The following CC2D2A variants were observed in gnomAD, a reference collection of about 807,000 sequenced individuals.
CC2D2A encodes the protein coiled-coil and C2 domain-containing protein 2A.
CC2D2A carries 155 observed loss-of-function variants against 212.9 expected under a neutral mutation model. That is an observed-to-expected ratio of 0.73 (90% CI 0.64 to 0.83). The LOEUF is 0.83. Ranked by LOEUF, CC2D2A falls within the 40% of genes least tolerant of loss-of-function variation. CC2D2A has a pLI of 0.00. For missense variants in CC2D2A, 1,856 were observed against 1,956.2 expected (o/e 0.95, Z 0.97); for synonymous variants, 667 against 686.5 (o/e 0.97, Z 0.44).
chr4:15,496,365 G>A (rs1715616981), intron 4 of CC2D2A, among the ~76,000 whole-genome samples: 1 of 152,114 alleles, frequency 6.6e-6, no homozygotes, highest in South Asian at 2.1e-4. Context: ...AAAGTTTTAG[G>A]TTTTACATTT....
chr4:15,559,126 A>C, intron 21 of CC2D2A, 39 bp from the exon 22 acceptor site: 1 of 1,174,400 alleles, frequency 8.5e-7, no homozygotes, highest in South Asian at 1.4e-5. Flanking sequence ...GAAAAGCACC[A>C]GAGAGTGCTT....
chr4:15,548,283 G>C (rs1002623918), intron 17 of CC2D2A, among the ~76,000 whole-genome samples: 1 of 152,102 alleles, frequency 6.6e-6, no homozygotes, highest in South Asian at 2.1e-4. Context: ...CCCCCATTCA[G>C]TTCCTCTCTA....
At chr4:15,525,113 C>G (rs1346839885) in intron 11 of CC2D2A, among the ~76,000 whole-genome samples, 1 of 152,162 alleles carries the variant, frequency 6.6e-6, no homozygotes, top group Non-Finnish European at 1.5e-5. Context: ...AGGCAGAGAC[C>G]ACTAGCAGGT....
chr4:15,554,033 C>T (rs1403177028), intron 19 of CC2D2A, among the ~76,000 whole-genome samples: 2 of 152,182 alleles, frequency 1.3e-5, no homozygotes, highest in Non-Finnish European at 2.9e-5. Flanking sequence ...GAATTGGGCT[C>T]GTTTAGTTCC....
chr4:15,504,008 G>A (rs1215414972), intron 6 of CC2D2A, among the ~76,000 whole-genome samples: 1 of 152,098 alleles, frequency 6.6e-6, no homozygotes, highest in Non-Finnish European at 1.5e-5. Context: ...TGGCTCAGGA[G>A]GTGTTTGCAA....
rs772241253 is a variant in CC2D2A at position 15,567,516 on chromosome 4, C to G, written c.3288+34C>G. On this transcript the variant is annotated intron_variant, in intron 25 of 36. Transcript: ENST00000424120. The stretch of plus-strand genomic sequence containing the variant: ...TGCTGGACTTCAGCTTTCCACCTTG[C>G]CCCTTAAGTTTTTAAGAAATGACTG... 2.9e-5 allele frequency: 46 copies of G among 1,566,390 alleles called. No homozygotes were observed. In the African/African-American group the frequency reaches 5.9e-4, roughly 20 times the overall value.
chr4:15,597,565 C>A, intron 35 of CC2D2A, 100 bp downstream of exon 35: 1 of 907,812 alleles, frequency 1.1e-6, no homozygotes, highest in Non-Finnish European at 1.8e-6. Flanking sequence ...ACAATTTAGG[C>A]AACTTAACTT....
rs749057240 is a variant in CC2D2A, at chr4:15,567,523, A to AC, written c.3288+41_3288+42insC. 1.7e-5 allele frequency: 27 copies of AC among 1,546,370 alleles called. No homozygotes were observed. The South Asian group carries it at 2.1e-4, about 12-fold the overall frequency. The stretch of plus-strand genomic sequence containing the variant: ...CTTCAGCTTTCCACCTTGCCCCTTA[A>AC]GTTTTTAAGAAATGACTGTAAACTT... On this transcript the variant is annotated intron_variant, in intron 25 of 36. Transcript: ENST00000424120.
At chr4:15,480,304 G>C (rs563379914) in intron 3 of CC2D2A, among the ~76,000 whole-genome samples, 3 of 152,216 alleles carry the variant, frequency 2.0e-5, no homozygotes, top group East Asian at 1.9e-4. Context: ...GCTATTCTTG[G>C]GGGGTGTCCA....
At chr4:15,580,231 G>A (rs1720601821) in intron 30 of CC2D2A, 60 bp downstream of exon 30, 6 of 1,259,664 alleles carry the variant, frequency 4.8e-6, no homozygotes, top group Admixed American at 3.8e-5. Context: ...TCAATATATT[G>A]CCATTTTAAT....
intron 33 of CC2D2A, among the ~76,000 whole-genome samples, chr4:15,593,629 T>C (rs1403873742): frequency 6.6e-6 from 1 of 152,136 alleles, no homozygotes; most frequent in East Asian, 1.9e-4. Flanking sequence ...GTCTTTCCCA[T>C]CTCAATAAAT....
intron 4 of CC2D2A, among the ~76,000 whole-genome samples, chr4:15,495,463 T>G (rs1311601735): frequency 6.6e-6 from 1 of 152,220 alleles, no homozygotes; most frequent in Non-Finnish European, 1.5e-5. Context: ...CTCCCCCTTA[T>G]AAGTAAGAAC....
chr4:15,560,124 G>A (rs2109061218), intron 22 of CC2D2A, among the ~76,000 whole-genome samples: 1 of 152,186 alleles, frequency 6.6e-6, no homozygotes, highest in East Asian at 1.9e-4. Flanking sequence ...GAGCCACCGC[G>A]CCCAGCCAGA....
intron 2 of CC2D2A, among the ~76,000 whole-genome samples, chr4:15,477,962 G>GA (rs35105297): frequency 0.014 from 2,071 of 151,556 alleles, 43 homozygotes; most frequent in African/African-American, 0.047. Flanking sequence ...CTAATTTTAG[G>GA]AAAAAAAAAT....
intron 17 of CC2D2A, among the ~76,000 whole-genome samples, chr4:15,549,573 A>C (rs1374068603): frequency 2.0e-5 from 3 of 152,180 alleles, no homozygotes; most frequent in African/African-American, 7.2e-5. Flanking sequence ...GAAGCTGAGG[A>C]GGGCAGATCA....
rs755005253 is a variant in CC2D2A, at chr4:15,492,691, G to A, written c.248-9738G>A. 43 of 671,488 alleles carry A rather than the reference G, an allele frequency of 6.4e-5. 1 individual carries two copies. The highest frequency in any genetic ancestry group is 8.9e-5 in the South Asian group (6 of 67,598). The allele number at this position is 671,488 out of a possible 1,614,324, so 41.6% of individuals were successfully genotyped here. ...AGCTGAGGGTCTCTCTCTTCCTTTC[G>A]TGCTCTCACTGGGTCTGGTGGTCCA... On this transcript the variant is annotated intron_variant, in intron 4 of 36. Transcript: ENST00000424120.
intron 6 of CC2D2A, among the ~76,000 whole-genome samples, chr4:15,508,240 T>C (rs1716368278): frequency 6.6e-6 from 1 of 152,178 alleles, no homozygotes; most frequent in South Asian, 2.1e-4. Context: ...AGTGGTAGCC[T>C]TGTCAATCAA....
chr4:15,501,275 G>A (rs1289656692), intron 4 of CC2D2A, among the ~76,000 whole-genome samples: 1 of 152,056 alleles, frequency 6.6e-6, no homozygotes, highest in African/African-American at 2.4e-5. Context: ...AGGCTCTATT[G>A]TATTTTCCTT....
chr4:15,600,296 A>C (rs1297659640), intron 36 of CC2D2A, among the ~76,000 whole-genome samples: 51 of 152,234 alleles, frequency 3.4e-4, no homozygotes, highest in Admixed American at 3.3e-3. Flanking sequence ...AAGTGTCAGA[A>C]AACTCAAAAA....
Sources: gnomAD v4.1 joint callset for allele counts (sites outside exome capture counted in the v4.1 genomes callset) on GRCh38, gnomAD v4.1.1 for gene constraint, MANE v1.5 for transcripts, NCBI Gene and HGNC (gene_info 2026-07-23, HGNC 2026-07-21) for gene names.